Variants in SLC45A4 observed in about 807,000 individuals in gnomAD.
The protein encoded by SLC45A4 is polyamine-transporter SLC45A4.
A neutral mutation model predicts 63.7 loss-of-function variants in SLC45A4; 32 were observed. The ratio of observed to expected loss-of-function variants is 0.50; its 90% CI spans 0.38 to 0.67. The LOEUF is 0.67. SLC45A4 is among the 30% of genes least tolerant of loss of function. SLC45A4 has a pLI of 0.00. For synonymous variants in SLC45A4, 535 were observed against 510.0 expected (o/e 1.05, Z -0.66); for missense variants, 1,027 against 1,157.7 (o/e 0.89, Z 1.64).
intron 1 of SLC45A4, among the ~76,000 whole-genome samples, chr8:141,303,697 TAACAGAACCCC>T (rs1830816796): frequency 1.3e-5 from 2 of 152,132 alleles, no homozygotes; most frequent in Admixed American, 6.5e-5. Flanking sequence ...GCAAGTAGCA[TAACAGAACCCC>T]AGGTTGGAAG....
intron 3 of SLC45A4, 62 bp from the exon 4 acceptor site, chr8:141,219,891 G>A: frequency 4.9e-6 from 7 of 1,439,816 alleles, no homozygotes; most frequent in Non-Finnish European, 6.4e-6. Flanking sequence ...GGGCCTGATA[G>A]CAAACAGCCA....
At chr8:141,289,772 C>T (rs573886212) in intron 1 of SLC45A4, among the ~76,000 whole-genome samples, 9 of 152,078 alleles carry the variant, frequency 5.9e-5, no homozygotes, top group Non-Finnish European at 1.0e-4. Flanking sequence ...AGCCCATGGC[C>T]CGGGGTCTTC....
At chr8:141,241,799 C>A (rs1827932342) in intron 2 of SLC45A4, among the ~76,000 whole-genome samples, 1 of 152,142 alleles carries the variant, frequency 6.6e-6, no homozygotes, top group Non-Finnish European at 1.5e-5. Flanking sequence ...TAGGAGGGAC[C>A]ACTGCTTCTG....
At chr8:141,259,817 A>G (rs989171722) in intron 1 of SLC45A4, among the ~76,000 whole-genome samples, 1 of 152,144 alleles carries the variant, frequency 6.6e-6, no homozygotes, top group African/African-American at 2.4e-5. Flanking sequence ...TTTCCCTTCC[A>G]TATGCACCGT....
intron 1 of SLC45A4, among the ~76,000 whole-genome samples, chr8:141,258,313 C>T (rs1249881683): frequency 2.0e-5 from 3 of 152,206 alleles, no homozygotes; most frequent in Non-Finnish European, 4.4e-5. Flanking sequence ...CTGTCCAGTC[C>T]TGACTTAAAC....
At chr8:141,302,061 A>C (rs1053718717) in intron 1 of SLC45A4, among the ~76,000 whole-genome samples, 1 of 152,194 alleles carries the variant, frequency 6.6e-6, no homozygotes, top group African/African-American at 2.4e-5. Flanking sequence ...TGTTAAGAAC[A>C]ATTTGTTCAT....
chr8:141,228,643 G>A, intron 2 of SLC45A4: 1 of 1,056,092 alleles, frequency 9.5e-7, no homozygotes, highest in East Asian at 7.4e-5. Context: ...TGATGACACA[G>A]TGATGTTATC....
chr8:141,255,851 C>A (rs1448724334), intron 1 of SLC45A4, among the ~76,000 whole-genome samples: 6 of 152,314 alleles, frequency 3.9e-5, no homozygotes, highest in African/African-American at 1.4e-4. Flanking sequence ...GGCACCTGGA[C>A]TCCTGTGGTA....
chr8:141,268,850 C>A (rs1204717822), intron 1 of SLC45A4, among the ~76,000 whole-genome samples: 1 of 152,130 alleles, frequency 6.6e-6, no homozygotes, highest in Non-Finnish European at 1.5e-5. Flanking sequence ...GTGTGCTATG[C>A]ATCACCTGGA....
chr8:141,276,117 G>A (rs1427358264), intron 1 of SLC45A4, among the ~76,000 whole-genome samples: 13 of 152,042 alleles, frequency 8.6e-5, no homozygotes. Flanking sequence ...GCACAGGCTG[G>A]TCTTGAACTC....
intron 1 of SLC45A4, among the ~76,000 whole-genome samples, chr8:141,267,802 C>G (rs953729730): frequency 6.6e-6 from 1 of 152,156 alleles, no homozygotes; most frequent in Non-Finnish European, 1.5e-5. Context: ...GCTTAGGGCA[C>G]GGACAACACC....
At chr8:141,287,015 C>A (rs1830173461) in intron 1 of SLC45A4, among the ~76,000 whole-genome samples, 1 of 152,078 alleles carries the variant, frequency 6.6e-6, no homozygotes, top group Non-Finnish European at 1.5e-5. Flanking sequence ...CAGAAAACAT[C>A]TGAGGCCGAC....
chr8:141,306,055 C>G (rs192612686), intron 1 of SLC45A4, among the ~76,000 whole-genome samples: 2 of 150,152 alleles, frequency 1.3e-5, no homozygotes, highest in Admixed American at 1.3e-4. Context: ...GAGGGTGTTA[C>G]AAGCTGCAAG....
At position 141,211,159 on chromosome 8, in the gene SLC45A4, A is replaced by C; in HGVS notation, c.*413T>G. 1.2e-4 allele frequency: 37 copies of C among 303,900 alleles called. No homozygotes were observed. Among genetic ancestry groups the C allele is most frequent in the East Asian group, 1.6e-4 (3 of 18,430 alleles). 18.8% of individuals were successfully genotyped at this position (303,900 alleles called of 1,614,324 possible). A position where few individuals can be genotyped will look rare whatever the true frequency, so the allele number is the denominator to read the frequency against. On this transcript the variant is annotated 3_prime_UTR_variant, in exon 9 of 9. Coordinates refer to ENST00000517878, the MANE Select transcript of SLC45A4 (RefSeq NM_001286646.2). ...AGCCTTGCGGCGGGACTTGGGAGGC[A>C]GGGCCCGCTGGGAGCTCTGCTCTCA...
chr8:141,239,567 G>C (rs1296177312), intron 2 of SLC45A4, among the ~76,000 whole-genome samples: 2 of 115,894 alleles, frequency 1.7e-5, no homozygotes, highest in Non-Finnish European at 3.6e-5. Context: ...GAGGGTGCAG[G>C]AGCAAAGCAC....
rs1437030849 is a variant in SLC45A4 at position 141,215,535 on chromosome 8, A to AG, written c.1941+223dup. ...GCCTCCAGAAGCCTCTGGAGGTGCT[A>AG]GGGGGGTGGGGGCGGCTGAAGGAGA... On this transcript the variant is annotated intron_variant, in intron 7 of 8. Coordinates refer to ENST00000517878, the MANE Select transcript of SLC45A4 (RefSeq NM_001286646.2). The surrounding 1 kb of genome is among the most constrained non-coding windows in gnomAD (Gnocchi z 4.3). Among the ~76,000 whole-genome samples the AG allele has an allele frequency of 6.6e-6, 1 of 151,024 alleles. No homozygotes were observed. The highest frequency in any genetic ancestry group is 1.5e-5 in the Non-Finnish European group (1 of 67,756).
rs563949342 is a variant in SLC45A4, at chr8:141,232,964, T to C, written c.242-11199A>G. On this transcript the variant is annotated intron_variant, in intron 2 of 8. Transcript: ENST00000517878. ...TCTCAAGCTGCTGAGGTGACGTCGC[T>C]GAACAGGAGTGGAGAGGAGCAGCAG... 8.5e-5 allele frequency among the ~76,000 whole-genome samples: 13 copies of C among 152,298 alleles called. No homozygotes were observed. The South Asian group carries it at 2.5e-3, about 29-fold the overall frequency.
intron 2 of SLC45A4, among the ~76,000 whole-genome samples, chr8:141,250,415 T>G (rs1828409182): frequency 6.6e-6 from 1 of 151,782 alleles, no homozygotes. Context: ...TTTTTTTTTT[T>G]GAGACAGTGT....
chr8:141,291,830 A>G (rs182014966), intron 1 of SLC45A4, among the ~76,000 whole-genome samples: 1 of 152,372 alleles, frequency 6.6e-6, no homozygotes, highest in East Asian at 1.9e-4. Flanking sequence ...GTAACCCAGG[A>G]CAGACCCAGC....
Sources: allele counts gnomAD v4.1 joint callset (sites outside exome capture counted in the v4.1 genomes callset), GRCh38; gene constraint gnomAD v4.1.1; non-coding constraint Gnocchi (gnomAD v3.1); transcripts MANE v1.5; gene names NCBI Gene and HGNC (gene_info 2026-07-23, HGNC 2026-07-21).